The following TENM1 variants were observed in gnomAD, a reference collection of about 807,000 sequenced individuals.
The protein encoded by TENM1 is teneurin-1.
In TENM1, 35 loss-of-function variants were observed where a neutral mutation model predicts 174.8. That is an observed-to-expected ratio of 0.20 (90% CI 0.15 to 0.27). The LOEUF (loss-of-function observed/expected upper bound fraction) is 0.27, where lower values mean the gene tolerates loss of function less well. TENM1 is among the 10% of genes least tolerant of loss of function. TENM1 has a pLI of 1.00. For missense variants in TENM1, 1,633 were observed against 2,130.1 expected (o/e 0.77, Z 4.59); for synonymous variants, 781 against 798.7 (o/e 0.98, Z 0.37).
At chrX:125,050,848 G>A in the TENM1 span, among the ~76,000 whole-genome samples, 50 of 111,503 alleles carry the variant, frequency 4.5e-4, no homozygotes, top group African/African-American at 1.6e-3. Flanking sequence ...TTTAATGATC[G>A]CCATTCAGGC....
At chrX:124,587,777 C>T (rs1383391297) in intron 11 of TENM1, among the ~76,000 whole-genome samples, 2 of 111,295 alleles carry the variant, frequency 1.8e-5, no homozygotes, top group Non-Finnish European at 3.8e-5. Flanking sequence ...AGAAAATTTT[C>T]ACAACCTACT....
chrX:124,938,353 T>C lies in TENM1; in HGVS notation c.217+25184A>G, dbSNP rs1302266772. Among the ~76,000 whole-genome samples, 6 of 112,563 alleles carry C rather than the reference T, an allele frequency of 5.3e-5. No homozygotes were observed. The East Asian group carries it at 1.7e-3, about 31-fold the overall frequency. On this transcript the variant is annotated intron_variant, in intron 1 of 31. Transcript: ENST00000422452. ...GGAATTTAGAAGTGCCTTCATTGTTTTTCTGCCTGTGTGATGTCAAATATC... is the reference window on the plus strand; with the variant it reads ...GGAATTTAGAAGTGCCTTCATTGTTCTTCTGCCTGTGTGATGTCAAATATC...
intron 11 of TENM1, among the ~76,000 whole-genome samples, chrX:124,611,620 T>C (rs2050279512): frequency 9.0e-6 from 1 of 111,524 alleles, no homozygotes; most frequent in African/African-American, 3.3e-5. Context: ...ATAGTAAAGA[T>C]AAGAAGACCA....
intron 14 of TENM1, among the ~76,000 whole-genome samples, chrX:124,558,190 A>G (rs1217354686): frequency 8.9e-6 from 1 of 112,114 alleles, no homozygotes; most frequent in East Asian, 2.8e-4. Context: ...TGTCACCCAC[A>G]TATTCAATGC....
rs144555930 is a variant in TENM1, at chrX:124,555,032, A to G, written c.2434+6639T>C. ...ACTCTACATTTTTTGAGCCTCCTTG[A>G]AAATATTTCCACAATATCAGAGACC... On this transcript the variant is annotated intron_variant, in intron 14 of 31. Coordinates refer to ENST00000422452, the Ensembl canonical transcript of TENM1. 5.4e-4 allele frequency among the ~76,000 whole-genome samples: 61 copies of G among 112,235 alleles called. No homozygotes were observed. The East Asian group carries it at 0.016, about 30-fold the overall frequency.
chrX:124,422,686 T>C (rs200920209), intron 23 of TENM1, 48 bp from the exon 27 acceptor site: 14 of 1,147,269 alleles, frequency 1.2e-5, no homozygotes, highest in East Asian at 3.0e-5. Flanking sequence ...TGTCTTTCCA[T>C]GGACAGTTTT....
intron 1 of TENM1, among the ~76,000 whole-genome samples, chrX:124,936,850 C>T (rs915159670): frequency 6.3e-5 from 7 of 111,108 alleles, no homozygotes; most frequent in African/African-American, 2.3e-4. Flanking sequence ...AGTTTGAGAC[C>T]AGCTTGACCA....
the TENM1 span, among the ~76,000 whole-genome samples, chrX:125,120,042 A>T: frequency 9.0e-6 from 1 of 111,317 alleles, no homozygotes; most frequent in Non-Finnish European, 1.9e-5. Context: ...TACCTTGAGC[A>T]GCCTTCAATA....
At chrX:124,792,758 C>T (rs1447026486) in intron 3 of TENM1, among the ~76,000 whole-genome samples, 2 of 112,210 alleles carry the variant, frequency 1.8e-5, no homozygotes, top group Non-Finnish European at 3.8e-5. Context: ...CAGTTGATTA[C>T]AGCAAAGTTT....
At chrX:125,196,218 T>C in the TENM1 span, among the ~76,000 whole-genome samples, 1 of 111,425 alleles carries the variant, frequency 9.0e-6, no homozygotes, top group Non-Finnish European at 1.9e-5. Flanking sequence ...CTTTTTTTTT[T>C]GACTTGCTTC....
At chrX:125,069,408 C>A in the TENM1 span, among the ~76,000 whole-genome samples, 2 of 111,634 alleles carry the variant, frequency 1.8e-5, no homozygotes, top group Non-Finnish European at 3.8e-5. Flanking sequence ...TGTAGATTTT[C>A]TTTAGGTTGA....
the TENM1 span, among the ~76,000 whole-genome samples, chrX:125,108,984 A>G: frequency 9.0e-6 from 1 of 110,881 alleles, no homozygotes; most frequent in Non-Finnish European, 1.9e-5. Context: ...TGAACACACC[A>G]AACTCTTTCA....
chrX:125,200,232 A>G, the TENM1 span, among the ~76,000 whole-genome samples: 1 of 112,076 alleles, frequency 8.9e-6, no homozygotes, highest in Non-Finnish European at 1.9e-5. Flanking sequence ...TTTTAGGGGA[A>G]GGAAAAATAA....
At chrX:124,629,546 C>T (rs745380309) in intron 11 of TENM1, among the ~76,000 whole-genome samples, 3 of 112,296 alleles carry the variant, frequency 2.7e-5, no homozygotes, top group South Asian at 7.4e-4. Flanking sequence ...ATTTAGTGCC[C>T]ACTATGGGAA....
At chrX:124,751,408 T>G (rs981148337) in intron 3 of TENM1, among the ~76,000 whole-genome samples, 2 of 111,554 alleles carry the variant, frequency 1.8e-5, no homozygotes. Flanking sequence ...ATGAGGATAG[T>G]TTAGGGTTAT....
the TENM1 span, among the ~76,000 whole-genome samples, chrX:125,151,718 A>G: frequency 9.0e-6 from 1 of 111,572 alleles, no homozygotes; most frequent in Admixed American, 9.5e-5. Context: ...CTCCAACCCC[A>G]ACTTTGGGGA....
the TENM1 span, among the ~76,000 whole-genome samples, chrX:125,046,399 G>A: frequency 8.9e-6 from 1 of 112,115 alleles, no homozygotes; most frequent in Non-Finnish European, 1.9e-5. Context: ...GGGGAGAAAA[G>A]TCCTAGATAC....
At chrX:124,771,022 G>A (rs765710781) in intron 3 of TENM1, among the ~76,000 whole-genome samples, 65 of 111,563 alleles carry the variant, frequency 5.8e-4, no homozygotes, top group African/African-American at 2.1e-3. Flanking sequence ...CTTTTTCTTT[G>A]ATTTAAAATT....
chrX:124,508,772 G>C (rs764692322), intron 18 of TENM1, among the ~76,000 whole-genome samples: 1 of 111,784 alleles, frequency 8.9e-6, no homozygotes, highest in Non-Finnish European at 1.9e-5. Flanking sequence ...ATCAAAGGCA[G>C]AGTGATATAC....
Sources: allele counts gnomAD v4.1 joint callset (sites outside exome capture counted in the v4.1 genomes callset), GRCh38; gene constraint gnomAD v4.1.1; transcripts MANE v1.5; gene names NCBI Gene and HGNC (gene_info 2026-07-23, HGNC 2026-07-21).